MBD5: variants seen among roughly 807,000 people sequenced by gnomAD.
MBD5 encodes methyl-CpG-binding domain protein 5.
MBD5 carries 13 observed loss-of-function variants against 117.3 expected under a neutral mutation model. The observed-to-expected ratio is 0.11, with a 90% CI of 0.07 to 0.18. The LOEUF is 0.18. Among genes scored for constraint, MBD5 ranks in the 10% least tolerant of loss-of-function variants. MBD5 has a pLI of 1.00. For missense variants in MBD5, 1,879 were observed against 2,093.8 expected (o/e 0.90, Z 2.00); for synonymous variants, 727 against 766.4 (o/e 0.95, Z 0.85).
At chr2:148,164,561 TTAAGTA>T (rs1698083411) in intron 1 of MBD5, among the ~76,000 whole-genome samples, 1 of 152,182 alleles carries the variant, frequency 6.6e-6, no homozygotes, top group South Asian at 2.1e-4. Context: ...AGTGTTATAA[TTAAGTA>T]TAAGAAAAAA....
chr2:148,235,939 C>T (rs938315884), intron 3 of MBD5, among the ~76,000 whole-genome samples: 1 of 152,038 alleles, frequency 6.6e-6, no homozygotes, highest in African/African-American at 2.4e-5. Context: ...GCTGGGAATA[C>T]AGGCATGCGC....
intron 3 of MBD5, among the ~76,000 whole-genome samples, chr2:148,299,971 A>G (rs1447209226): frequency 2.0e-5 from 3 of 152,148 alleles, no homozygotes; most frequent in Non-Finnish European, 4.4e-5. Flanking sequence ...CAGATATTTA[A>G]CCAAATGATT....
intron 3 of MBD5, among the ~76,000 whole-genome samples, chr2:148,280,141 AAAAAAAAAAC>A (rs1701211621): frequency 6.6e-6 from 1 of 150,704 alleles, no homozygotes; most frequent in Non-Finnish European, 1.5e-5. Context: ...CAAAAAAAAA[AAAAAAAAAAC>A]AAAAAGAAAA....
chr2:148,090,101 T>A (rs1444273358), intron 1 of MBD5, among the ~76,000 whole-genome samples: 2 of 152,002 alleles, frequency 1.3e-5, no homozygotes, highest in Admixed American at 6.6e-5. Flanking sequence ...ATGGATAAAT[T>A]CCTGGAAATA....
intron 2 of MBD5, among the ~76,000 whole-genome samples, chr2:148,215,291 C>T (rs1222664904): frequency 6.6e-6 from 1 of 152,182 alleles, no homozygotes; most frequent in African/African-American, 2.4e-5. Context: ...TATATTTGAG[C>T]ACTTCTGAGT....
At chr2:148,491,297 C>CTT (rs543680655) in intron 11 of MBD5, among the ~76,000 whole-genome samples, 5 of 128,520 alleles carry the variant, frequency 3.9e-5, no homozygotes, top group South Asian at 2.5e-4. Context: ...TCTTCTGGGC[C>CTT]TTTTTTTTTT....
chr2:148,298,931 C>T (rs547394423), intron 3 of MBD5, among the ~76,000 whole-genome samples: 1 of 152,250 alleles, frequency 6.6e-6, no homozygotes, highest in East Asian at 1.9e-4. Context: ...CAGCCAATCT[C>T]AGTTGTAGTC....
intron 1 of MBD5, among the ~76,000 whole-genome samples, chr2:148,169,776 C>T (rs1698215399): frequency 6.6e-6 from 1 of 152,074 alleles, no homozygotes; most frequent in African/African-American, 2.4e-5. Flanking sequence ...CCTACTGAAG[C>T]CATATTGTCT....
intron 4 of MBD5, among the ~76,000 whole-genome samples, chr2:148,365,120 G>A (rs940030732): frequency 6.6e-6 from 1 of 152,106 alleles, no homozygotes; most frequent in African/African-American, 2.4e-5. Context: ...CAAAAGAACA[G>A]AAATCTTAAC....
At chr2:148,284,464 C>T (rs909464606) in intron 3 of MBD5, among the ~76,000 whole-genome samples, 24 of 152,042 alleles carry the variant, frequency 1.6e-4, no homozygotes, top group Non-Finnish European at 3.1e-4. Flanking sequence ...ACCTGGTGGC[C>T]GTGTTGTGCA....
At chr2:148,464,631 A>T (rs144404311) in intron 7 of MBD5, among the ~76,000 whole-genome samples, 3 of 151,996 alleles carry the variant, frequency 2.0e-5, no homozygotes, top group African/African-American at 4.8e-5. Context: ...AGATTTCTCC[A>T]ATTGTCCTAA....
At chr2:148,118,971 G>A (rs1432834696) in intron 1 of MBD5, among the ~76,000 whole-genome samples, 2 of 152,006 alleles carry the variant, frequency 1.3e-5, no homozygotes, top group Non-Finnish European at 2.9e-5. Flanking sequence ...ACTTTTATGA[G>A]TAATGCTGAT....
chr2:148,029,700 A>G, intron 1 of MBD5, among the ~76,000 whole-genome samples: 1 of 152,152 alleles, frequency 6.6e-6, no homozygotes, highest in Admixed American at 6.5e-5. Flanking sequence ...ATGTGTGTTT[A>G]ATTTTTCTAA....
At chr2:148,143,124 G>A (rs1417204313) in intron 1 of MBD5, among the ~76,000 whole-genome samples, 2 of 152,138 alleles carry the variant, frequency 1.3e-5, no homozygotes, top group East Asian at 3.8e-4. Flanking sequence ...AGAAGTAGAA[G>A]CACAGTAAGT....
chr2:148,490,287 C>G lies in MBD5; in HGVS notation c.4655C>G (p.Pro1552Arg). ...KQDLVLEEQS[P>R]SSSNSLENSL... ...GACCTGGTCCTAGAGGAGCAGTCTCCAAGTTCCTCAAATAGTTTGGAAAAT... is the reference window on the plus strand; with the variant it reads ...GACCTGGTCCTAGAGGAGCAGTCTCGAAGTTCCTCAAATAGTTTGGAAAAT... The change falls in exon 11 of 14, where the codon CCA becomes CGA. Residue 1552 changes from proline to arginine, a missense_variant. Physicochemically the swap from Pro to Arg is moderately radical, Grantham distance 103. Coordinates refer to ENST00000642680, the MANE Select transcript of MBD5 (RefSeq NM_001378120.1). 1 of 1,614,190 alleles carries G rather than the reference C, an allele frequency of 6.2e-7. No individual in the cohort carries two copies. Among genetic ancestry groups the G allele is most frequent in the Non-Finnish European group, 8.5e-7 (1 of 1,180,036 alleles).
intron 3 of MBD5, among the ~76,000 whole-genome samples, chr2:148,331,797 AT>A (rs1702663652): frequency 6.6e-6 from 1 of 151,384 alleles, no homozygotes; most frequent in East Asian, 1.9e-4. Context: ...ACTTTCAGAC[AT>A]TGAAAAAAAA....
chr2:148,060,587 T>G (rs1695009870), intron 1 of MBD5, among the ~76,000 whole-genome samples: 1 of 152,158 alleles, frequency 6.6e-6, no homozygotes, highest in African/African-American at 2.4e-5. Context: ...TGAAAGATAT[T>G]TACTTGTTTT....
At chr2:148,087,077 T>A (rs935873427) in intron 1 of MBD5, among the ~76,000 whole-genome samples, 1 of 152,134 alleles carries the variant, frequency 6.6e-6, no homozygotes, top group African/African-American at 2.4e-5. Context: ...CCCACTCGGA[T>A]GAATAGAACA....
intron 3 of MBD5, among the ~76,000 whole-genome samples, chr2:148,245,724 T>G (rs1700322860): frequency 6.6e-6 from 1 of 152,222 alleles, no homozygotes; most frequent in Non-Finnish European, 1.5e-5. Flanking sequence ...TTGGAAATTT[T>G]CTTCTAACTC....
Sources: gnomAD v4.1 joint callset for allele counts (sites outside exome capture counted in the v4.1 genomes callset) on GRCh38, gnomAD v4.1.1 for gene constraint, MANE v1.5 for transcripts, NCBI Gene and HGNC (gene_info 2026-07-23, HGNC 2026-07-21) for gene names.